ZNF565: variants seen among roughly 807,000 people sequenced by gnomAD.
ZNF565 encodes the protein zinc finger protein 565.
ZNF565 carries 27 observed loss-of-function variants against 39.4 expected under a neutral mutation model. The observed-to-expected ratio is 0.69, with a 90% CI of 0.51 to 0.95. ZNF565 has a LOEUF of 0.95. ZNF565 is among the 40% of genes least tolerant of loss of function. The pLI is 0.00. For synonymous variants in ZNF565, 185 were observed against 216.6 expected, an observed-to-expected ratio of 0.85 and a Z score of 1.28; for missense variants, 524 against 621.1, an observed-to-expected ratio of 0.84 and a Z score of 1.66.
intron 2 of ZNF565, among the ~76,000 whole-genome samples, chr19:36,199,978 G>A (rs946948697): frequency 6.6e-6 from 1 of 151,336 alleles, no homozygotes; most frequent in African/African-American, 2.4e-5. Context: ...TCTTAATGAT[G>A]GTTATATCTA....
intron 1 of ZNF565, among the ~76,000 whole-genome samples, chr19:36,241,938 A>G (rs1453655099): frequency 6.6e-6 from 1 of 152,226 alleles, no homozygotes; most frequent in Non-Finnish European, 1.5e-5. Context: ...ATAGGAGTAA[A>G]TCTTCATGAC....
At chr19:36,222,215 C>T (rs1007143177) in intron 1 of ZNF565, among the ~76,000 whole-genome samples, 2 of 152,136 alleles carry the variant, frequency 1.3e-5, no homozygotes, top group Non-Finnish European at 2.9e-5. Context: ...TGAGCCACTG[C>T]ACCCAGCCAA....
chr19:36,216,844 G>C (rs1364742316), upstream of ZNF565, among the ~76,000 whole-genome samples: 1 of 95,780 alleles, frequency 1.0e-5, no homozygotes, highest in African/African-American at 4.1e-5. Flanking sequence ...GCCTCAGGCC[G>C]GGCTTGGTGG....
At chr19:36,196,765 G>A (rs1417418733) in intron 2 of ZNF565, among the ~76,000 whole-genome samples, 2 of 151,980 alleles carry the variant, frequency 1.3e-5, no homozygotes, top group African/African-American at 4.8e-5. Flanking sequence ...CTTGAGGCCA[G>A]GAGTTCAAGA....
At chr19:36,239,832 T>G (rs1002554347) in intron 1 of ZNF565, among the ~76,000 whole-genome samples, 10 of 152,190 alleles carry the variant, frequency 6.6e-5, no homozygotes, top group African/African-American at 2.2e-4. Context: ...ATGAAAATTT[T>G]TTTATTCTTT....
intron 1 of ZNF565, among the ~76,000 whole-genome samples, chr19:36,209,988 C>G (rs1976292271): frequency 6.6e-6 from 1 of 151,976 alleles, no homozygotes; most frequent in African/African-American, 2.4e-5. Context: ...GGAGGCAAGA[C>G]ATGGTGGTTC....
At chr19:36,210,145 G>A (rs1299254515) in intron 1 of ZNF565, among the ~76,000 whole-genome samples, 1 of 151,744 alleles carries the variant, frequency 6.6e-6, no homozygotes, top group Admixed American at 6.6e-5. Flanking sequence ...TGGAGGCCAG[G>A]TGTGGTGGCT....
rs534070066 is a variant in ZNF565 at position 36,207,268 on chromosome 19, G to A, written c.-65-5218C>T. Among the ~76,000 whole-genome samples, 6 of 152,278 alleles carry A rather than the reference G, an allele frequency of 3.9e-5. No homozygotes were observed. In the South Asian group the frequency reaches 8.3e-4, roughly 21 times the overall value. The stretch of plus-strand genomic sequence containing the variant: ...CTGATTTATATTTAAAAGGGGCGGG[G>A]CACAGTGGCTCACGCCTGTAATCCT... On this transcript the variant is annotated intron_variant, in intron 1 of 4. Coordinates refer to ENST00000304116, the MANE Select transcript of ZNF565 (RefSeq NM_152477.5).
At chr19:36,195,370 C>T (rs1176774720) in intron 2 of ZNF565, among the ~76,000 whole-genome samples, 1 of 151,924 alleles carries the variant, frequency 6.6e-6, no homozygotes, top group African/African-American at 2.4e-5. Flanking sequence ...TCCCACATGC[C>T]AAACATCATA....
chr19:36,201,451 T>G (rs562215690), intron 2 of ZNF565, among the ~76,000 whole-genome samples: 1 of 152,062 alleles, frequency 6.6e-6, no homozygotes, highest in African/African-American at 2.4e-5. Context: ...GTATTTCTAC[T>G]GTACTGGTGC....
intron 1 of ZNF565, among the ~76,000 whole-genome samples, chr19:36,226,076 A>T (rs924116597): frequency 6.6e-6 from 1 of 152,154 alleles, no homozygotes; most frequent in Non-Finnish European, 1.5e-5. Context: ...AGCCCACGGT[A>T]ACATTTCTCC....
intron 1 of ZNF565, among the ~76,000 whole-genome samples, chr19:36,242,010 A>C (rs533613592): frequency 6.6e-6 from 1 of 152,248 alleles, no homozygotes; most frequent in African/African-American, 2.4e-5. Flanking sequence ...TATAAGCAGG[A>C]ACAACAAAAG....
chr19:36,236,697 A>G, intron 1 of ZNF565: 1 of 1,614,156 alleles, frequency 6.2e-7, no homozygotes, highest in Non-Finnish European at 8.5e-7. Flanking sequence ...CAGAAGGAAA[A>G]CCTCCTTACG....
At position 36,195,063 on chromosome 19, in the gene ZNF565, T is replaced by C. The variant is rs1302303057; in HGVS notation, c.103A>G (p.Thr35Ala). ...GCCAAGTGACCAAAGTTCTCCAGAGTCACCTCCCTGTACAAGTCCCTCTGA... is the reference window on the plus strand; with the variant it reads ...GCCAAGTGACCAAAGTTCTCCAGAGCCACCTCCCTGTACAAGTCCCTCTGA... ...PAQRDLYREV[T>A]LENFGHLASL... Residue 35 changes from threonine (T) to alanine (A), a missense_variant, in exon 3 of 5, where the codon ACT (threonine) becomes GCT (alanine). Transcript: ENST00000304116. The C allele has an allele frequency of 6.2e-7, 1 of 1,614,060 alleles. No homozygotes were observed. The highest frequency in any genetic ancestry group is 1.1e-5 in the South Asian group (1 of 91,082).
chr19:36,207,602 G>T (rs1205233593), intron 1 of ZNF565, among the ~76,000 whole-genome samples: 3 of 151,502 alleles, frequency 2.0e-5, no homozygotes, highest in Non-Finnish European at 4.4e-5. Context: ...AAAAAGAAAA[G>T]AAAAGAAAAG....
intron 1 of ZNF565, among the ~76,000 whole-genome samples, chr19:36,243,382 G>A (rs1977831177): frequency 6.6e-6 from 1 of 152,104 alleles, no homozygotes; most frequent in African/African-American, 2.4e-5. Flanking sequence ...TCCATTACTG[G>A]CCAAGATGGG....
intron 1 of ZNF565, chr19:36,236,457 A>T (rs748615907): frequency 6.2e-7 from 1 of 1,604,912 alleles, no homozygotes; most frequent in African/African-American, 1.3e-5. Context: ...CACCTCAGCC[A>T]GCAGAGAATT....
At chr19:36,184,093 A>AC (rs1379687321) in intron 4 of ZNF565, among the ~76,000 whole-genome samples, 4 of 149,500 alleles carry the variant, frequency 2.7e-5, no homozygotes, top group African/African-American at 9.8e-5. Context: ...AAAAAAAAAA[A>AC]AAAAAAAAAA....
chr19:36,224,263 T>G (rs1976981605), intron 1 of ZNF565, among the ~76,000 whole-genome samples: 1 of 152,246 alleles, frequency 6.6e-6, no homozygotes, highest in South Asian at 2.1e-4. Context: ...CATGCCTGAA[T>G]CCCAGCTATT....
Sources: gnomAD v4.1 joint callset for allele counts (sites outside exome capture counted in the v4.1 genomes callset) on GRCh38, gnomAD v4.1.1 for gene constraint, MANE v1.5 for transcripts, NCBI Gene and HGNC (gene_info 2026-07-23, HGNC 2026-07-21) for gene names.